Variants in PSD3 observed in about 807,000 individuals in gnomAD.
The protein encoded by PSD3 is PH and SEC7 domain-containing protein 3.
A neutral mutation model predicts 105.5 loss-of-function variants in PSD3; 49 were observed. The ratio of observed to expected loss-of-function variants is 0.46; its 90% CI spans 0.37 to 0.59. The LOEUF (loss-of-function observed/expected upper bound fraction) is 0.59, where lower values mean the gene tolerates loss of function less well. Among genes scored for constraint, PSD3 ranks in the 20% least tolerant of loss-of-function variants. The probability of loss-of-function intolerance (pLI) is 0.00; values close to 1 mark genes in which losing one functional copy is unlikely to be tolerated. For missense variants in PSD3, 1,561 were observed against 1,263.8 expected, an observed-to-expected ratio of 1.24 and a Z score of -3.57; for synonymous variants, 557 against 457.8, an observed-to-expected ratio of 1.22 and a Z score of -2.77.
chr8:18,956,501 G>C (rs942131231), intron 1 of PSD3, among the ~76,000 whole-genome samples: 4 of 152,190 alleles, frequency 2.6e-5, no homozygotes, highest in East Asian at 1.9e-4. Context: ...CAAGAGTTTA[G>C]AGTATATTTA....
At chr8:19,046,555 C>G (rs1396697900) in intron 1 of PSD3, among the ~76,000 whole-genome samples, 2 of 152,180 alleles carry the variant, frequency 1.3e-5, no homozygotes, top group African/African-American at 4.8e-5. Flanking sequence ...AAGGGCCATG[C>G]CTATTCTTAC....
chr8:18,916,843 T>C (rs1367189999), intron 2 of PSD3, among the ~76,000 whole-genome samples: 2 of 152,052 alleles, frequency 1.3e-5, no homozygotes, highest in African/African-American at 2.4e-5. Flanking sequence ...GCCATAAATC[T>C]ATATAATTTT....
chr8:18,540,327 G>A (rs898552554), intron 15 of PSD3, among the ~76,000 whole-genome samples: 1 of 152,104 alleles, frequency 6.6e-6, no homozygotes, highest in Non-Finnish European at 1.5e-5. Flanking sequence ...AAAAATTTGG[G>A]TGACTTGTTT....
rs1214851906 is a variant in PSD3 at position 18,594,335 on chromosome 8, T to C, written c.2481+6029A>G. Among the ~76,000 whole-genome samples, 22 of 76,640 alleles carry C rather than the reference T, an allele frequency of 2.9e-4. 3 individuals are homozygous for C. In the South Asian group the frequency reaches 6.0e-3, roughly 21 times the overall value. 50.3% of individuals were successfully genotyped at this position (76,640 alleles called of 152,430 possible). A position where few individuals can be genotyped will look rare whatever the true frequency, so the allele number is the denominator to read the frequency against. On this transcript the variant is annotated intron_variant, in intron 12 of 15. Coordinates refer to ENST00000327040, the MANE Select transcript of PSD3 (RefSeq NM_015310.4). ...TTATTATATATAATATATATTATAA[T>C]ATATAATATATATTCTATATATTAT...
intron 4 of PSD3, among the ~76,000 whole-genome samples, chr8:18,839,112 A>T (rs1814398968): frequency 6.6e-6 from 1 of 151,994 alleles, no homozygotes; most frequent in African/African-American, 2.4e-5. Context: ...CTCTCTCCCA[A>T]ACAGCCAGGC....
intron 9 of PSD3, among the ~76,000 whole-genome samples, chr8:18,656,760 G>A (rs2130857476): frequency 6.6e-6 from 1 of 152,090 alleles, no homozygotes; most frequent in African/African-American, 2.4e-5. Context: ...CCAGGCTGCA[G>A]TGCAGCGACT....
At chr8:18,957,804 T>C (rs955302431) in intron 1 of PSD3, among the ~76,000 whole-genome samples, 3 of 152,156 alleles carry the variant, frequency 2.0e-5, no homozygotes, top group Non-Finnish European at 2.9e-5. Flanking sequence ...TAATAATGAA[T>C]GCACTTGTGG....
chr8:18,808,616 A>C (rs1443179854), intron 4 of PSD3: 12 of 1,166,372 alleles, frequency 1.0e-5, no homozygotes, highest in Non-Finnish European at 1.5e-5. Flanking sequence ...AAAAGGAGAA[A>C]ATAAAGCACA....
chr8:18,896,171 G>A (rs1258237664), intron 2 of PSD3, among the ~76,000 whole-genome samples: 2 of 152,218 alleles, frequency 1.3e-5, no homozygotes, highest in South Asian at 2.1e-4. Context: ...CTGCAAAAGA[G>A]TATTCTATTG....
At chr8:18,676,398 C>G (rs181713873) in intron 9 of PSD3, among the ~76,000 whole-genome samples, 126 of 152,318 alleles carry the variant, frequency 8.3e-4, no homozygotes, top group Admixed American at 2.0e-3. Context: ...TTCTTCTTCT[C>G]TTCACAAAAC....
chr8:18,882,354 A>C (rs1295086142), intron 2 of PSD3, among the ~76,000 whole-genome samples: 1 of 152,170 alleles, frequency 6.6e-6, no homozygotes, highest in Admixed American at 6.5e-5. Flanking sequence ...TTCAGGAAAC[A>C]GTAGGGCGCT....
intron 1 of PSD3, among the ~76,000 whole-genome samples, chr8:18,984,133 A>C (rs940054154): frequency 1.3e-5 from 2 of 151,360 alleles, no homozygotes; most frequent in Admixed American, 6.6e-5. Flanking sequence ...AAGTGAGCAC[A>C]GTGGGAAAAT....
chr8:18,832,280 G>C (rs981724822), intron 4 of PSD3, among the ~76,000 whole-genome samples: 3 of 152,004 alleles, frequency 2.0e-5, no homozygotes, highest in Admixed American at 1.3e-4. Flanking sequence ...CTTGCTTCAC[G>C]TCCAAGGATG....
At chr8:18,715,921 C>T (rs1243344678) in intron 9 of PSD3, among the ~76,000 whole-genome samples, 1 of 152,210 alleles carries the variant, frequency 6.6e-6, no homozygotes, top group East Asian at 1.9e-4. Context: ...AAGCATCTAA[C>T]TTCATAGAAC....
chr8:18,966,448 G>C (rs1360764581), intron 1 of PSD3, among the ~76,000 whole-genome samples: 2 of 151,908 alleles, frequency 1.3e-5, no homozygotes, highest in Non-Finnish European at 1.5e-5. Context: ...GTGCACGCCT[G>C]TAATCCCAAC....
chr8:18,879,520 T>C (rs148324829), intron 2 of PSD3, among the ~76,000 whole-genome samples: 19 of 152,346 alleles, frequency 1.2e-4, no homozygotes, highest in African/African-American at 1.9e-4. Context: ...TCTAGTCTTC[T>C]GTCTCTCAGG....
rs546372352 is a variant in PSD3, at chr8:18,533,341, G to C, written c.*2402C>G. 1 of 152,292 alleles carries C rather than the reference G, an allele frequency of 6.6e-6. No homozygotes were observed. Among genetic ancestry groups the C allele is most frequent in the African/African-American group, 2.4e-5 (1 of 41,560 alleles). The allele number at this position is 152,292 out of a possible 1,614,324, so 9.4% of individuals were successfully genotyped here. ...CCTGGCTCACAAAAGAACCTTTAAA[G>C]TTGTTTTTAAAGATAAACTATGCAA... On this transcript the variant is annotated 3_prime_UTR_variant, in exon 16 of 16. Transcript: ENST00000327040.
intron 9 of PSD3, among the ~76,000 whole-genome samples, chr8:18,740,573 C>G (rs1198698907): frequency 1.3e-5 from 2 of 152,122 alleles, no homozygotes; most frequent in African/African-American, 4.8e-5. Flanking sequence ...TGAGCTTAAC[C>G]TTGACAGCCC....
rs1811060958 is a variant in PSD3 at position 18,804,867 on chromosome 8, C to T, written c.1666G>A (p.Ala556Thr). Residue 556 changes from alanine to threonine, a missense_variant, in exon 5 of 16, where the codon GCT becomes ACT. Physicochemically the swap from Ala to Thr is moderately conservative, Grantham distance 58 (BLOSUM62 0). Coordinates refer to ENST00000327040, the MANE Select transcript of PSD3 (RefSeq NM_015310.4). ...TCAGTGCTCCCCATTTCAGAATGAGCTTCTAGCCGTGTTGTTTTCACCCCA... is the reference window on the plus strand; with the variant it reads ...TCAGTGCTCCCCATTTCAGAATGAGTTTCTAGCCGTGTTGTTTTCACCCCA... ...NAGVKTTRLE[A>T]HSEMGSTEIL... is the part of the protein sequence containing the mutation. 6.2e-7 allele frequency: 1 copy of T among 1,612,554 alleles called. No individual in the cohort carries two copies. Among genetic ancestry groups the T allele is most frequent in the Non-Finnish European group, 8.5e-7 (1 of 1,178,846 alleles).
Sources: gnomAD v4.1 joint callset for allele counts (sites outside exome capture counted in the v4.1 genomes callset) on GRCh38, gnomAD v4.1.1 for gene constraint, MANE v1.5 for transcripts, NCBI Gene and HGNC (gene_info 2026-07-23, HGNC 2026-07-21) for gene names.